Variants in FRS2 observed in about 807,000 individuals in gnomAD.
FRS2 encodes the protein fibroblast growth factor receptor substrate 2, also known as FGFR signalling adaptor.
In FRS2, 8 loss-of-function variants were observed where a neutral mutation model predicts 43.9. The observed-to-expected ratio is 0.18, with a 90% CI of 0.11 to 0.33. The LOEUF (loss-of-function observed/expected upper bound fraction) is 0.33, where lower values mean the gene tolerates loss of function less well. Ranked by LOEUF, FRS2 falls within the 10% of genes least tolerant of loss-of-function variation. The pLI is 1.00. For synonymous variants in FRS2, 219 were observed against 220.3 expected (o/e 0.99, Z 0.05); for missense variants, 534 against 627.6 (o/e 0.85, Z 1.59).
chr12:69,478,088 A>G (rs933556221), intron 1 of FRS2, among the ~76,000 whole-genome samples: 1 of 152,156 alleles, frequency 6.6e-6, no homozygotes, highest in African/African-American at 2.4e-5. Flanking sequence ...GTTGGAACAT[A>G]GGAGATGGTA....
At chr12:69,520,249 G>A (rs1875494060) in intron 1 of FRS2, among the ~76,000 whole-genome samples, 1 of 149,994 alleles carries the variant, frequency 6.7e-6, no homozygotes, top group Non-Finnish European at 1.5e-5. Flanking sequence ...ACTTTTTAAT[G>A]GGGTTGCTTT....
At chr12:69,503,280 G>C (rs1263895242) in intron 1 of FRS2, among the ~76,000 whole-genome samples, 1 of 152,048 alleles carries the variant, frequency 6.6e-6, no homozygotes, top group Admixed American at 6.6e-5. Context: ...TATCGTTTTT[G>C]TCTAATCTCT....
intron 3 of FRS2, among the ~76,000 whole-genome samples, chr12:69,536,579 A>T (rs1447742907): frequency 3.4e-4 from 45 of 134,228 alleles, no homozygotes; most frequent in East Asian, 6.7e-4. Context: ...TTTTTTTTTA[A>T]TTTTTTTTTT....
chr12:69,538,197 T>TTTTATATATATATATATA (rs869192774), intron 3 of FRS2, among the ~76,000 whole-genome samples: 10 of 81,618 alleles, frequency 1.2e-4, no homozygotes, highest in South Asian at 5.2e-4. Flanking sequence ...AAAACAAATT[T>TTTTATATATATATATATA]TATATATATA....
chr12:69,543,364 ATTAT>A (rs1826431064), intron 3 of FRS2, among the ~76,000 whole-genome samples: 1 of 152,260 alleles, frequency 6.6e-6, no homozygotes, highest in African/African-American at 2.4e-5. Flanking sequence ...AATATCTGAG[ATTAT>A]TCATTCAACT....
intron 1 of FRS2, among the ~76,000 whole-genome samples, chr12:69,495,436 C>T (rs1872791408): frequency 6.6e-6 from 1 of 152,110 alleles, no homozygotes; most frequent in Non-Finnish European, 1.5e-5. Flanking sequence ...ATTAGAAATT[C>T]CATTGATTGT....
chr12:69,528,151 T>G (rs1353612880), intron 1 of FRS2, among the ~76,000 whole-genome samples: 2 of 152,214 alleles, frequency 1.3e-5, no homozygotes, highest in African/African-American at 4.8e-5. Context: ...TGGCTATCTC[T>G]CTTAAGACCC....
intron 1 of FRS2, among the ~76,000 whole-genome samples, chr12:69,505,134 C>G (rs974165807): frequency 6.6e-6 from 1 of 152,208 alleles, no homozygotes; most frequent in African/African-American, 2.4e-5. Flanking sequence ...GCTGGGATAA[C>G]AGGTGTGAGC....
chr12:69,504,142 T>C (rs1217835368), intron 1 of FRS2, among the ~76,000 whole-genome samples: 2 of 152,228 alleles, frequency 1.3e-5, no homozygotes. Flanking sequence ...CTGATGGAGC[T>C]TTCATTCCGA....
At chr12:69,517,685 A>G (rs896356155) in intron 1 of FRS2, among the ~76,000 whole-genome samples, 1 of 152,192 alleles carries the variant, frequency 6.6e-6, no homozygotes, top group African/African-American at 2.4e-5. Context: ...GCATTTATTT[A>G]AACTCTTCAG....
chr12:69,480,658 A>G (rs948369906), intron 1 of FRS2, among the ~76,000 whole-genome samples: 2 of 152,108 alleles, frequency 1.3e-5, no homozygotes, highest in East Asian at 1.9e-4. Context: ...TTCATTTACT[A>G]TATATTTTTG....
At chr12:69,569,747 T>G (rs957155398) in intron 5 of FRS2, among the ~76,000 whole-genome samples, 4 of 152,202 alleles carry the variant, frequency 2.6e-5, no homozygotes, top group South Asian at 2.1e-4. Context: ...CATGTAAAGC[T>G]CTTTTCCTAC....
chr12:69,494,791 G>A (rs1368267732), intron 1 of FRS2, among the ~76,000 whole-genome samples: 1 of 151,858 alleles, frequency 6.6e-6, no homozygotes, highest in Admixed American at 6.6e-5. Context: ...TTTTGTTTTC[G>A]AGATGGAGTT....
At chr12:69,570,028 A>T (rs1412111117) in intron 5 of FRS2, among the ~76,000 whole-genome samples, 2 of 152,128 alleles carry the variant, frequency 1.3e-5, no homozygotes, top group African/African-American at 4.8e-5. Context: ...TCCTCCTCTT[A>T]AATGAAGGTG....
chr12:69,577,662 A>G lies in FRS2; in HGVS notation c.*2707A>G, dbSNP rs934980787. The stretch of plus-strand genomic sequence containing the variant: ...TATCCCATGCTAGGGTTGGAAACTG[A>G]TATTGGTATTACTTGTGTTTTTTCT... On this transcript the variant is annotated 3_prime_UTR_variant, in exon 9 of 9. Coordinates refer to ENST00000549921, the MANE Select transcript of FRS2 (RefSeq NM_001278356.2). 3 of 152,494 alleles carry G rather than the reference A, an allele frequency of 2.0e-5. No individual in the cohort carries two copies. The South Asian group carries it at 6.2e-4, about 32-fold the overall frequency. The allele number at this position is 152,494 out of a possible 1,614,324, so 9.4% of individuals were successfully genotyped here.
Position 69,562,205 on chromosome 12 carries a change from T to C in FRS2, c.-96T>C. 7.5e-6 allele frequency: 3 copies of C among 398,364 alleles called. No homozygotes were observed. Among genetic ancestry groups the C allele is most frequent in the Non-Finnish European group, 1.3e-5 (3 of 225,888 alleles). The allele number at this position is 398,364 out of a possible 1,614,324, so 24.7% of individuals were successfully genotyped here. A position where few individuals can be genotyped will look rare whatever the true frequency, so the allele number is the denominator to read the frequency against. ...GTTAAATCAGCAAACAAAGAAAACA[T>C]GGTATTTTGAAATATGATTAAACTC... On this transcript the variant is annotated 5_prime_UTR_variant, in exon 4 of 9. It removes an upstream start codon present in the reference 5' UTR. Coordinates refer to ENST00000549921, the MANE Select transcript of FRS2 (RefSeq NM_001278356.2).
intron 1 of FRS2, among the ~76,000 whole-genome samples, chr12:69,529,560 G>C (rs1420937263): frequency 2.0e-5 from 3 of 151,522 alleles, no homozygotes; most frequent in African/African-American, 7.3e-5. Flanking sequence ...GGCAGAGGTT[G>C]CAGTGAGCCG....
chr12:69,523,573 CATTGCAGGTTAGTATTG>C, intron 1 of FRS2, among the ~76,000 whole-genome samples: 1 of 152,266 alleles, frequency 6.6e-6, no homozygotes, highest in Non-Finnish European at 1.5e-5. Flanking sequence ...AGCCTATTAA[CATTGCAGGTTAGTATTG>C]ATATGTGTGC....
intron 1 of FRS2, among the ~76,000 whole-genome samples, chr12:69,473,178 C>T (rs1178298080): frequency 6.6e-6 from 1 of 152,196 alleles, no homozygotes; most frequent in Non-Finnish European, 1.5e-5. Flanking sequence ...AGCTTCACAG[C>T]AATATGTAAG....
Sources: allele counts gnomAD v4.1 joint callset (sites outside exome capture counted in the v4.1 genomes callset), GRCh38; gene constraint gnomAD v4.1.1; transcripts MANE v1.5; gene names NCBI Gene and HGNC (gene_info 2026-07-23, HGNC 2026-07-21).